The following AP2B1 variants were observed in gnomAD, a reference collection of about 807,000 sequenced individuals.
AP2B1 encodes the protein adaptor related protein complex 2 subunit beta 1.
In AP2B1, 23 loss-of-function variants were observed where a neutral mutation model predicts 102.0. The ratio of observed to expected loss-of-function variants is 0.23; its 90% CI spans 0.16 to 0.32. AP2B1 has a LOEUF of 0.32. AP2B1 is among the 10% of genes least tolerant of loss of function. The pLI, the probability that AP2B1 is intolerant of heterozygous loss-of-function variation, is 1.00. For synonymous variants in AP2B1, 381 were observed against 421.2 expected, an observed-to-expected ratio of 0.90 and a Z score of 1.17; for missense variants, 541 against 1,157.4, an observed-to-expected ratio of 0.47 and a Z score of 7.73.
intron 9 of AP2B1, among the ~76,000 whole-genome samples, chr17:35,635,243 G>A (rs922264777): frequency 2.0e-5 from 3 of 152,022 alleles, no homozygotes; most frequent in African/African-American, 4.8e-5. Context: ...TAGTAGAGAC[G>A]GGGTTTCACC....
intron 18 of AP2B1, among the ~76,000 whole-genome samples, chr17:35,708,942 G>C (rs1195459084): frequency 6.6e-6 from 1 of 152,066 alleles, no homozygotes; most frequent in Non-Finnish European, 1.5e-5. Context: ...AATAATCATA[G>C]AGAAAAAAAT....
intron 18 of AP2B1, among the ~76,000 whole-genome samples, chr17:35,705,684 G>A (rs988184309): frequency 6.6e-6 from 1 of 152,032 alleles, no homozygotes; most frequent in Non-Finnish European, 1.5e-5. Context: ...ACCACGCCCA[G>A]CTAATTTTTG....
chr17:35,588,548 GACTAAGA>G (rs2072977778), intron 1 of AP2B1: 1 of 152,182 alleles, frequency 6.6e-6, no homozygotes, highest in African/African-American at 2.4e-5. Context: ...AAGGCAGAAT[GACTAAGA>G]AAGAAGGTGG....
intron 18 of AP2B1, among the ~76,000 whole-genome samples, chr17:35,688,608 G>T (rs887994784): frequency 6.6e-6 from 1 of 151,986 alleles, no homozygotes; most frequent in Non-Finnish European, 1.5e-5. Flanking sequence ...GATTCTCCTG[G>T]ACTGACTCTG....
chr17:35,662,000 T>TAA (rs2075368165), intron 14 of AP2B1, among the ~76,000 whole-genome samples: 1 of 152,238 alleles, frequency 6.6e-6, no homozygotes, highest in Non-Finnish European at 1.5e-5. Flanking sequence ...TGTTGATATT[T>TAA]CTAGTCAGGA....
intron 9 of AP2B1, among the ~76,000 whole-genome samples, chr17:35,633,303 T>G (rs527803407): frequency 1.3e-5 from 2 of 148,580 alleles, no homozygotes; most frequent in South Asian, 2.1e-4. Flanking sequence ...GAGGTTGCAA[T>G]GAGCATAGAT....
At chr17:35,604,649 T>G (rs2073606638) in intron 3 of AP2B1, among the ~76,000 whole-genome samples, 1 of 152,034 alleles carries the variant, frequency 6.6e-6, no homozygotes, top group East Asian at 1.9e-4. Context: ...TCTCAGCTAC[T>G]TAGGAGGCTG....
intron 18 of AP2B1, among the ~76,000 whole-genome samples, chr17:35,683,892 C>G (rs746679882): frequency 8.5e-4 from 130 of 152,220 alleles, no homozygotes; most frequent in Non-Finnish European, 1.5e-3. Flanking sequence ...TTTTCGCCAT[C>G]TCCCAAAGAT....
At chr17:35,696,549 G>A (rs1199633190) in intron 18 of AP2B1, among the ~76,000 whole-genome samples, 3 of 151,156 alleles carry the variant, frequency 2.0e-5, no homozygotes, top group South Asian at 2.1e-4. Context: ...CACCACACCC[G>A]GCTAATTTTT....
At chr17:35,692,921 T>G (rs587669733) in intron 18 of AP2B1, among the ~76,000 whole-genome samples, 14 of 152,236 alleles carry the variant, frequency 9.2e-5, no homozygotes, top group African/African-American at 3.4e-4. Context: ...ACCAGTGATT[T>G]GCTACTCTAA....
chr17:35,644,251 T>A (rs555293719), intron 12 of AP2B1, among the ~76,000 whole-genome samples: 1 of 152,360 alleles, frequency 6.6e-6, no homozygotes, highest in African/African-American at 2.4e-5. Context: ...AGGTTAAGAA[T>A]GACTTGGAGA....
intron 18 of AP2B1, among the ~76,000 whole-genome samples, chr17:35,694,435 A>AAT (rs2076101061): frequency 1.2e-5 from 1 of 80,006 alleles, no homozygotes; most frequent in Non-Finnish European, 2.7e-5. Flanking sequence ...TAATTTTTTA[A>AAT]TTTTTTGTAG....
At chr17:35,685,070 C>T (rs2075903017) in intron 18 of AP2B1, among the ~76,000 whole-genome samples, 1 of 152,094 alleles carries the variant, frequency 6.6e-6, no homozygotes, top group Admixed American at 6.5e-5. Flanking sequence ...TTTTCATAAA[C>T]CTGATATTAT....
At chr17:35,598,403 T>G (rs2073362581) in intron 3 of AP2B1, 68 bp downstream of exon 3, 1 of 934,958 alleles carries the variant, frequency 1.1e-6, no homozygotes, top group Non-Finnish European at 1.6e-6. Context: ...CCTTTACTGC[T>G]TTTCCTTTAA....
intron 18 of AP2B1, among the ~76,000 whole-genome samples, chr17:35,703,056 AG>A (rs1170133352): frequency 6.6e-6 from 1 of 151,924 alleles, no homozygotes; most frequent in Admixed American, 6.6e-5. Context: ...GTGGATCATG[AG>A]GTCAGGAGAT....
chr17:35,697,454 A>T (rs587720790), intron 18 of AP2B1, among the ~76,000 whole-genome samples: 10 of 152,370 alleles, frequency 6.6e-5, no homozygotes, highest in Non-Finnish European at 1.3e-4. Context: ...TGGTTAATTT[A>T]ATATTTCTAG....
At chr17:35,648,366 A>C (rs2074994385) in intron 12 of AP2B1, among the ~76,000 whole-genome samples, 1 of 152,056 alleles carries the variant, frequency 6.6e-6, no homozygotes, top group African/African-American at 2.4e-5. Context: ...AAATACAAAA[A>C]TTAGCTGGGT....
chr17:35,679,428 C>T (rs143884925), intron 17 of AP2B1, among the ~76,000 whole-genome samples: 26 of 150,614 alleles, frequency 1.7e-4, no homozygotes, highest in African/African-American at 4.9e-4. Flanking sequence ...ATATGCTGCT[C>T]CTGTTTGATC....
chr17:35,653,427 C>T (rs2075138835), intron 13 of AP2B1, among the ~76,000 whole-genome samples: 1 of 152,198 alleles, frequency 6.6e-6, no homozygotes. Flanking sequence ...TTCTCTAGCT[C>T]TGACTGCCAG....
Sources: gnomAD v4.1 joint callset for allele counts (sites outside exome capture counted in the v4.1 genomes callset) on GRCh38, gnomAD v4.1.1 for gene constraint, MANE v1.5 for transcripts, NCBI Gene and HGNC (gene_info 2026-07-23, HGNC 2026-07-21) for gene names.